SPATS2: variants seen among roughly 807,000 people sequenced by gnomAD.
The protein encoded by SPATS2 is spermatogenesis associated serine rich 2, also known as spermatogenesis-associated serine-rich protein 2.
In SPATS2, 38 loss-of-function variants were observed where a neutral mutation model predicts 63.7. The ratio of observed to expected loss-of-function variants is 0.60; its 90% CI spans 0.46 to 0.78. The LOEUF is 0.78. Ranked by LOEUF, SPATS2 falls within the 30% of genes least tolerant of loss-of-function variation. The probability of loss-of-function intolerance (pLI) is 0.00; values close to 1 mark genes in which losing one functional copy is unlikely to be tolerated. For missense variants in SPATS2, 588 were observed against 666.2 expected (o/e 0.88, Z 1.29); for synonymous variants, 207 against 232.9 (o/e 0.89, Z 1.01).
At chr12:49,398,014 G>A (rs1444043842) in intron 2 of SPATS2, among the ~76,000 whole-genome samples, 1 of 150,552 alleles carries the variant, frequency 6.6e-6, no homozygotes, top group African/African-American at 2.4e-5. Flanking sequence ...AGTGGTGTGA[G>A]CCTGTGGTCT....
intron 2 of SPATS2, among the ~76,000 whole-genome samples, chr12:49,387,638 CAAAAAA>C (rs35910147): frequency 4.5e-5 from 3 of 66,176 alleles, no homozygotes; most frequent in Admixed American, 1.9e-4. Context: ...GACTCTGTCT[CAAAAAA>C]AAAAAAAAAA....
In SPATS2 at chr12:49,522,842, C is replaced by A; in HGVS notation, c.1100C>A (p.Ser367Ter). The A allele has an allele frequency of 1.9e-6, 3 of 1,613,040 alleles. No homozygotes were observed. In the South Asian group the frequency reaches 3.3e-5, roughly 18 times the overall value. ...GAGACCCTAAAGAAGAGCATTGATT[C>A]ATTTGGACAAGGTGAGATGGTGAGA... ...DVETLKKSID[S>*]FGQVSHPKNS... Residue 367 changes from serine to a stop codon, truncating the protein, a stop_gained, in exon 12 of 14, where the codon TCA becomes TAA. Coordinates refer to ENST00000552918, the MANE Select transcript of SPATS2 (RefSeq NM_023071.4). LOFTEE classifies it high-confidence loss of function.
At chr12:49,450,350 C>T (rs139869875) in intron 2 of SPATS2, among the ~76,000 whole-genome samples, 135 of 151,776 alleles carry the variant, frequency 8.9e-4, no homozygotes, top group Admixed American at 2.2e-3. Flanking sequence ...CCTGGGTTCA[C>T]GCCATTCTCC....
chr12:49,452,013 T>G (rs532525682), intron 2 of SPATS2, among the ~76,000 whole-genome samples: 1 of 152,330 alleles, frequency 6.6e-6, no homozygotes, highest in African/African-American at 2.4e-5. Context: ...TTGTTTTCAT[T>G]TTTGTTCTTG....
intron 2 of SPATS2, chr12:49,389,771 A>G: frequency 1.6e-6 from 2 of 1,277,286 alleles, no homozygotes; most frequent in Admixed American, 1.7e-5. Context: ...AAAGAAAAGA[A>G]TTGCGTACAT....
chr12:49,398,719 T>C (rs1944556096), intron 2 of SPATS2, among the ~76,000 whole-genome samples: 1 of 152,120 alleles, frequency 6.6e-6, no homozygotes, highest in Non-Finnish European at 1.5e-5. Flanking sequence ...TTTTTTCCCC[T>C]CACACACTTA....
intron 2 of SPATS2, among the ~76,000 whole-genome samples, chr12:49,450,533 C>T (rs1212432407): frequency 2.7e-5 from 4 of 150,938 alleles, no homozygotes; most frequent in South Asian, 4.2e-4. Context: ...CGTGAGCCAC[C>T]GCGCCTGGCC....
chr12:49,490,015 C>A, intron 5 of SPATS2: 1 of 154,858 alleles, frequency 6.5e-6, no homozygotes, highest in African/African-American at 2.4e-5. Context: ...TTTGAATTTC[C>A]TTATCTAATA....
At chr12:49,429,753 G>GCCTAGAAT (rs1945146384) in intron 2 of SPATS2, among the ~76,000 whole-genome samples, 1 of 149,790 alleles carries the variant, frequency 6.7e-6, no homozygotes, top group Admixed American at 6.7e-5. Context: ...ACTGTGCCTG[G>GCCTAGAAT]CCTAGAATTT....
At chr12:49,389,779 C>A in intron 2 of SPATS2, 1 of 1,225,824 alleles carries the variant, frequency 8.2e-7, no homozygotes, top group Non-Finnish European at 1.2e-6. Flanking sequence ...GAATTGCGTA[C>A]ATCCCTGGAA....
chr12:49,430,572 T>C (rs1945168428), intron 2 of SPATS2, among the ~76,000 whole-genome samples: 1 of 152,130 alleles, frequency 6.6e-6, no homozygotes, highest in East Asian at 1.9e-4. Context: ...TCTGCAGGTG[T>C]AGTAGGTTAG....
chr12:49,400,789 G>T (rs1944592137), intron 2 of SPATS2, among the ~76,000 whole-genome samples: 1 of 152,190 alleles, frequency 6.6e-6, no homozygotes, highest in Non-Finnish European at 1.5e-5. Flanking sequence ...CAAAAGTTTT[G>T]ATTGTCATGC....
chr12:49,477,400 C>G (rs1946136006), intron 3 of SPATS2, among the ~76,000 whole-genome samples: 1 of 152,170 alleles, frequency 6.6e-6, no homozygotes, highest in Admixed American at 6.5e-5. Context: ...ATTTCATCAG[C>G]TGTTGAGACT....
At chr12:49,425,886 G>A (rs1028708144) in intron 2 of SPATS2, among the ~76,000 whole-genome samples, 3 of 152,184 alleles carry the variant, frequency 2.0e-5, no homozygotes, top group South Asian at 2.1e-4. Context: ...GCCTGCCTTG[G>A]CCTCCCAAAG....
At chr12:49,407,315 G>C (rs189789922) in intron 2 of SPATS2, among the ~76,000 whole-genome samples, 5 of 152,172 alleles carry the variant, frequency 3.3e-5, no homozygotes, top group African/African-American at 1.2e-4. Flanking sequence ...TAAGTCAAAT[G>C]AGGTTGTCAC....
At chr12:49,387,427 A>C (rs549771889) in intron 2 of SPATS2, among the ~76,000 whole-genome samples, 1 of 151,862 alleles carries the variant, frequency 6.6e-6, no homozygotes, top group African/African-American at 2.4e-5. Context: ...GCCTGGGGTT[A>C]GGAGTTTGGG....
intron 3 of SPATS2, among the ~76,000 whole-genome samples, chr12:49,461,967 T>C (rs1450061631): frequency 6.6e-6 from 1 of 152,192 alleles, no homozygotes; most frequent in East Asian, 1.9e-4. Flanking sequence ...TTGTTTTTTC[T>C]TAGTTGTTAT....
At chr12:49,450,634 C>T (rs1442324921) in intron 2 of SPATS2, among the ~76,000 whole-genome samples, 1 of 152,130 alleles carries the variant, frequency 6.6e-6, no homozygotes, top group South Asian at 2.1e-4. Context: ...ACCTCTGCCT[C>T]CCAGGTTCAA....
At chr12:49,386,948 G>A (rs141696975) in intron 2 of SPATS2, 1 of 152,328 alleles carries the variant, frequency 6.6e-6, no homozygotes, top group East Asian at 1.9e-4. Context: ...TCATCTTTGT[G>A]AAATCACTGA....
Sources: allele counts gnomAD v4.1 joint callset (sites outside exome capture counted in the v4.1 genomes callset), GRCh38; gene constraint gnomAD v4.1.1; transcripts MANE v1.5; gene names NCBI Gene and HGNC (gene_info 2026-07-23, HGNC 2026-07-21).